CNTNAP5: variants seen among roughly 807,000 people sequenced by gnomAD.
CNTNAP5 encodes contactin associated protein family member 5, also known as contactin-associated protein-like 5.
A neutral mutation model predicts 150.2 loss-of-function variants in CNTNAP5; 72 were observed. The observed-to-expected ratio is 0.48, with a 90% CI of 0.40 to 0.58. The LOEUF is 0.58. Among genes scored for constraint, CNTNAP5 ranks in the 20% least tolerant of loss-of-function variants. The pLI, the probability that CNTNAP5 is intolerant of heterozygous loss-of-function variation, is 0.00. For missense variants in CNTNAP5, 1,636 were observed against 1,626.2 expected (o/e 1.01, Z -0.10); for synonymous variants, 672 against 619.8 (o/e 1.08, Z -1.25).
chr2:124,803,770 C>A (rs1682022383), intron 19 of CNTNAP5, among the ~76,000 whole-genome samples: 1 of 152,096 alleles, frequency 6.6e-6, no homozygotes, highest in Non-Finnish European at 1.5e-5. Flanking sequence ...AGAAGGAAGC[C>A]AGGGAGGGAG....
At chr2:124,403,105 C>G (rs1168269793) in intron 3 of CNTNAP5, among the ~76,000 whole-genome samples, 1 of 152,176 alleles carries the variant, frequency 6.6e-6, no homozygotes, top group East Asian at 1.9e-4. Flanking sequence ...CTGCTAGTTC[C>G]TCCTTAACTT....
chr2:124,157,663 C>A (rs1264605632), intron 1 of CNTNAP5, among the ~76,000 whole-genome samples: 1 of 152,130 alleles, frequency 6.6e-6, no homozygotes, highest in Non-Finnish European at 1.5e-5. Context: ...TATGTAACTT[C>A]TTTGTGCTTA....
At chr2:124,725,524 C>T (rs1680138368) in intron 13 of CNTNAP5, among the ~76,000 whole-genome samples, 1 of 149,256 alleles carries the variant, frequency 6.7e-6, no homozygotes, top group African/African-American at 2.5e-5. Flanking sequence ...CCTCTTCTCT[C>T]CTCTTGTTTC....
intron 8 of CNTNAP5, among the ~76,000 whole-genome samples, chr2:124,518,582 A>C (rs530938221): frequency 6.6e-6 from 1 of 152,316 alleles, no homozygotes; most frequent in South Asian, 2.1e-4. Flanking sequence ...ATGCACACCT[A>C]AGAGTATTGA....
intron 7 of CNTNAP5, among the ~76,000 whole-genome samples, chr2:124,490,421 A>G (rs951351293): frequency 1.2e-4 from 18 of 150,686 alleles, no homozygotes; most frequent in African/African-American, 3.9e-4. Context: ...AAGGAAGGAA[A>G]GAAAGAAAGA....
chr2:124,551,597 T>C (rs1695629800), intron 10 of CNTNAP5, among the ~76,000 whole-genome samples: 1 of 152,174 alleles, frequency 6.6e-6, no homozygotes, highest in South Asian at 2.1e-4. Flanking sequence ...TATTGAAATG[T>C]TTTGTTCTTT....
chr2:124,773,701 A>G (rs1681254832), intron 17 of CNTNAP5, among the ~76,000 whole-genome samples: 1 of 152,062 alleles, frequency 6.6e-6, no homozygotes, highest in African/African-American at 2.4e-5. Context: ...ATCTTGTTAG[A>G]TAGTGGGTAT....
intron 11 of CNTNAP5, among the ~76,000 whole-genome samples, chr2:124,571,255 G>A (rs10445856): frequency 0.31 from 46,653 of 151,936 alleles, 7,516 homozygotes; most frequent in African/African-American, 0.35. Context: ...GGTCCATAGG[G>A]AATATCAGAA....
chr2:124,849,687 AT>A (rs1245443651), intron 19 of CNTNAP5, among the ~76,000 whole-genome samples: 2 of 152,132 alleles, frequency 1.3e-5, no homozygotes, highest in Non-Finnish European at 2.9e-5. Context: ...CTATTAATTT[AT>A]TTGTGTCTTC....
At chr2:124,652,337 G>C (rs192413265) in intron 13 of CNTNAP5, among the ~76,000 whole-genome samples, 28 of 152,226 alleles carry the variant, frequency 1.8e-4, no homozygotes, top group Admixed American at 3.9e-4. Flanking sequence ...CAGAGCCCAG[G>C]GGGGGAGAAT....
rs1558761706 is a variant in CNTNAP5 at position 124,751,319 on chromosome 2, A to G, written c.2234+3934A>G. Reference sequence around the variant, plus strand: ...AAATATATTGGTGTGGTTGTTGCACAGTCGTCATTTGAGAAATGTACAGAA... The same window carrying G: ...AAATATATTGGTGTGGTTGTTGCACGGTCGTCATTTGAGAAATGTACAGAA... On this transcript the variant is annotated intron_variant, in intron 14 of 23. Transcript: ENST00000682447. Among the ~76,000 whole-genome samples the G allele has an allele frequency of 3.3e-5, 5 of 152,304 alleles. No individual in the cohort carries two copies. In the South Asian group the frequency reaches 1.0e-3, roughly 32 times the overall value.
intron 8 of CNTNAP5, among the ~76,000 whole-genome samples, chr2:124,522,672 A>G (rs962328867): frequency 1.3e-5 from 2 of 148,722 alleles, no homozygotes; most frequent in African/African-American, 2.5e-5. Context: ...ATAATTTGTC[A>G]AAGGATATTG....
At chr2:124,568,700 G>T (rs1465611928) in intron 11 of CNTNAP5, among the ~76,000 whole-genome samples, 2 of 152,098 alleles carry the variant, frequency 1.3e-5, no homozygotes, top group East Asian at 3.9e-4. Context: ...GATCTGTTTT[G>T]TTTCCAAATA....
intron 1 of CNTNAP5, among the ~76,000 whole-genome samples, chr2:124,041,119 T>C (rs1379849083): frequency 3.3e-5 from 5 of 152,180 alleles, no homozygotes; most frequent in African/African-American, 1.2e-4. Context: ...AATTCATTAG[T>C]AAAGTTAATC....
At chr2:124,271,182 A>C (rs1020904076) in intron 3 of CNTNAP5, among the ~76,000 whole-genome samples, 6 of 152,174 alleles carry the variant, frequency 3.9e-5, no homozygotes, top group Non-Finnish European at 7.3e-5. Context: ...TGGTTTGAAT[A>C]AGTCAGAAAA....
At chr2:124,302,592 C>T (rs1004360461) in intron 3 of CNTNAP5, among the ~76,000 whole-genome samples, 11 of 152,170 alleles carry the variant, frequency 7.2e-5, no homozygotes, top group Admixed American at 1.3e-4. Flanking sequence ...ACTCACTCCG[C>T]AAAATAGCAG....
At chr2:124,850,899 T>C (rs1382241338) in intron 19 of CNTNAP5, among the ~76,000 whole-genome samples, 1 of 152,296 alleles carries the variant, frequency 6.6e-6, no homozygotes, top group East Asian at 1.9e-4. Context: ...ATACAGTTCA[T>C]TGGTGAATTA....
intron 23 of CNTNAP5, among the ~76,000 whole-genome samples, chr2:124,912,918 T>A (rs1256547459): frequency 6.6e-6 from 1 of 152,182 alleles, no homozygotes. Flanking sequence ...CCACCCAGTT[T>A]ATTCATAGAC....
intron 10 of CNTNAP5, among the ~76,000 whole-genome samples, chr2:124,540,239 C>T (rs1284708451): frequency 6.6e-6 from 1 of 152,112 alleles, no homozygotes; most frequent in Non-Finnish European, 1.5e-5. Context: ...GGGGGCTATC[C>T]CTGCTTTGGA....
Sources: allele counts gnomAD v4.1 joint callset (sites outside exome capture counted in the v4.1 genomes callset), GRCh38; gene constraint gnomAD v4.1.1; transcripts MANE v1.5; gene names NCBI Gene and HGNC (gene_info 2026-07-23, HGNC 2026-07-21).